ST6GALNAC3: variants seen among roughly 807,000 people sequenced by gnomAD.
The protein encoded by ST6GALNAC3 is alpha-N-acetylgalactosaminide alpha-2,6-sialyltransferase 3.
Under a neutral mutation model 32.7 loss-of-function variants are expected in ST6GALNAC3, and 25 were observed. The ratio of observed to expected loss-of-function variants is 0.76; its 90% CI spans 0.56 to 1.07. ST6GALNAC3 has a LOEUF of 1.07. ST6GALNAC3 is among the 50% of genes least tolerant of loss of function. The probability of loss-of-function intolerance (pLI) is 0.00; values close to 1 mark genes in which losing one functional copy is unlikely to be tolerated. For missense variants in ST6GALNAC3, 355 were observed against 382.4 expected (o/e 0.93, Z 0.60); for synonymous variants, 129 against 133.1 (o/e 0.97, Z 0.21).
intron 2 of ST6GALNAC3, among the ~76,000 whole-genome samples, chr1:76,323,632 GC>G (rs1157863510): frequency 1.3e-5 from 2 of 152,100 alleles, no homozygotes; most frequent in Non-Finnish European, 2.9e-5. Flanking sequence ...AACACTTTTT[GC>G]CTAGGGATAA....
intron 3 of ST6GALNAC3, among the ~76,000 whole-genome samples, chr1:76,485,817 G>C (rs1201251090): frequency 6.6e-6 from 1 of 152,122 alleles, no homozygotes; most frequent in Non-Finnish European, 1.5e-5. Context: ...TGTGATGTTA[G>C]GGTGTCCATT....
At chr1:76,180,107 C>A (rs530242051) in intron 1 of ST6GALNAC3, among the ~76,000 whole-genome samples, 20 of 152,224 alleles carry the variant, frequency 1.3e-4, no homozygotes, top group Middle Eastern at 3.4e-3. Flanking sequence ...GGGGCAGGGC[C>A]CACATTTTGT....
chr1:76,337,837 G>A (rs752819), intron 2 of ST6GALNAC3, among the ~76,000 whole-genome samples: 27,900 of 152,024 alleles, frequency 0.18, 3,475 homozygotes, highest in African/African-American at 0.36. Context: ...TGGGATCTAC[G>A]TCTAGCACTG....
intron 3 of ST6GALNAC3, among the ~76,000 whole-genome samples, chr1:76,468,388 A>T (rs908864354): frequency 6.6e-6 from 1 of 152,034 alleles, no homozygotes; most frequent in Non-Finnish European, 1.5e-5. Context: ...ATGATAAGAA[A>T]CAAAGAATTC....
chr1:76,608,957 A>G (rs1025819949), intron 3 of ST6GALNAC3, among the ~76,000 whole-genome samples: 12 of 152,154 alleles, frequency 7.9e-5, no homozygotes, highest in Admixed American at 7.9e-4. Flanking sequence ...TTGGTTTTTA[A>G]AACTATTTTT....
chr1:76,115,486 G>A (rs1258624893), intron 1 of ST6GALNAC3, among the ~76,000 whole-genome samples: 1 of 152,188 alleles, frequency 6.6e-6, no homozygotes, highest in African/African-American at 2.4e-5. Flanking sequence ...GGAGCTGTGG[G>A]TCTTAAGCAA....
chr1:76,154,080 C>T (rs1395887719), intron 1 of ST6GALNAC3, among the ~76,000 whole-genome samples: 2 of 152,164 alleles, frequency 1.3e-5, no homozygotes, highest in African/African-American at 2.4e-5. Context: ...ACATGAAACC[C>T]AACCTGGCCC....
intron 1 of ST6GALNAC3, among the ~76,000 whole-genome samples, chr1:76,220,124 T>A (rs1385397327): frequency 1.3e-5 from 2 of 152,220 alleles, no homozygotes; most frequent in Non-Finnish European, 2.9e-5. Flanking sequence ...TTGGGTTCTT[T>A]GATTCAAATT....
chr1:76,618,628 C>T lies in ST6GALNAC3; in HGVS notation c.624-8824C>T, dbSNP rs530027909. Among the ~76,000 whole-genome samples the T allele has an allele frequency of 2.6e-5, 4 of 152,276 alleles. No homozygotes were observed. The South Asian group carries it at 8.3e-4, about 32-fold the overall frequency. ...TATAAATCTGTGATCAGCTATAACTCTGCTAAGCTTAGCTGGCCGTGGCTC... is the reference window on the plus strand; with the variant it reads ...TATAAATCTGTGATCAGCTATAACTTTGCTAAGCTTAGCTGGCCGTGGCTC... On this transcript the variant is annotated intron_variant, in intron 3 of 4. Transcript: ENST00000328299.
chr1:76,625,481 A>AG (rs1648910943), intron 3 of ST6GALNAC3, among the ~76,000 whole-genome samples: 2 of 152,058 alleles, frequency 1.3e-5, no homozygotes, highest in South Asian at 2.1e-4. Context: ...GAGAAAGAAG[A>AG]GAAAAAAAAA....
At chr1:76,312,918 A>G (rs891953753) in intron 1 of ST6GALNAC3, among the ~76,000 whole-genome samples, 7 of 152,176 alleles carry the variant, frequency 4.6e-5, no homozygotes, top group Non-Finnish European at 8.8e-5. Context: ...TGTCAATTAA[A>G]ACACATGCAT....
At chr1:76,082,958 A>AT (rs1381674715) in intron 1 of ST6GALNAC3, among the ~76,000 whole-genome samples, 1 of 152,102 alleles carries the variant, frequency 6.6e-6, no homozygotes, top group African/African-American at 2.4e-5. Flanking sequence ...TCTTATCTTA[A>AT]TATTTACTCA....
chr1:76,340,211 C>A (rs543565701), intron 2 of ST6GALNAC3, among the ~76,000 whole-genome samples: 1 of 152,256 alleles, frequency 6.6e-6, no homozygotes, highest in East Asian at 1.9e-4. Flanking sequence ...GTAGGGTGAC[C>A]TTTATTTTGT....
At chr1:76,470,295 G>C (rs1420798170) in intron 3 of ST6GALNAC3, among the ~76,000 whole-genome samples, 1 of 151,948 alleles carries the variant, frequency 6.6e-6, no homozygotes, top group Non-Finnish European at 1.5e-5. Context: ...TAATATTTTT[G>C]GGTGGAAATG....
chr1:76,218,683 C>A (rs505960), intron 1 of ST6GALNAC3, among the ~76,000 whole-genome samples: 1 of 152,222 alleles, frequency 6.6e-6, no homozygotes, highest in South Asian at 2.1e-4. Context: ...TCTTTTCCTC[C>A]TGGATACATC....
intron 3 of ST6GALNAC3, among the ~76,000 whole-genome samples, chr1:76,456,210 G>A (rs191858120): frequency 6.6e-6 from 1 of 152,164 alleles, no homozygotes; most frequent in East Asian, 1.9e-4. Flanking sequence ...ACTTTGTGAA[G>A]TAACTGTAAA....
In ST6GALNAC3 at chr1:76,630,306, A is replaced by G. The variant is rs1376837705; in HGVS notation, c.*1500A>G. ...GCCCCTGTGAAAATAAGTAGTTTTG[A>G]GAAGTTTTTCTATATACGTATATAT... On this transcript the variant is annotated 3_prime_UTR_variant, in exon 5 of 5. Coordinates refer to ENST00000328299, the MANE Select transcript of ST6GALNAC3 (RefSeq NM_152996.4). The G allele has an allele frequency of 1.0e-6, 1 of 985,108 alleles. No homozygotes were observed. Among genetic ancestry groups the G allele is most frequent in the Admixed American group, 6.2e-5 (1 of 16,220 alleles). The allele number at this position is 985,108 out of a possible 1,614,324, so 61.0% of individuals were successfully genotyped here.
intron 2 of ST6GALNAC3, among the ~76,000 whole-genome samples, chr1:76,340,819 G>T (rs1647904124): frequency 6.6e-6 from 1 of 152,032 alleles, no homozygotes; most frequent in Non-Finnish European, 1.5e-5. Flanking sequence ...TCAGAATCTA[G>T]AGCTGGCCCA....
chr1:76,320,867 TAAATA>T lies in ST6GALNAC3; in HGVS notation c.213+6869_213+6873del, dbSNP rs1195874092. 2.6e-5 allele frequency among the ~76,000 whole-genome samples: 4 copies of T among 151,958 alleles called. No individual in the cohort carries two copies. The East Asian group carries it at 7.7e-4, about 29-fold the overall frequency. On this transcript the variant is annotated intron_variant, in intron 2 of 4. Transcript: ENST00000328299. ...GTTCACAGATCAAGTTCTAGCCACT[TAAATA>T]CAAACATACATAGAATATATACAAC... is the stretch of plus-strand genomic sequence containing the variant.
Sources: allele counts gnomAD v4.1 joint callset (sites outside exome capture counted in the v4.1 genomes callset), GRCh38; gene constraint gnomAD v4.1.1; transcripts MANE v1.5; gene names NCBI Gene and HGNC (gene_info 2026-07-23, HGNC 2026-07-21).